The following CSMD1 variants were observed in gnomAD, a reference collection of about 807,000 sequenced individuals.
CSMD1 encodes the protein CUB and Sushi multiple domains 1, also known as CUB and sushi domain-containing protein 1.
CSMD1 carries 213 observed loss-of-function variants against 417.5 expected under a neutral mutation model. The observed-to-expected ratio is 0.51, with a 90% CI of 0.46 to 0.57. The LOEUF (loss-of-function observed/expected upper bound fraction) is 0.57. Ranked by LOEUF, CSMD1 falls within the 20% of genes least tolerant of loss-of-function variation. CSMD1 has a pLI of 0.00. For missense variants in CSMD1, 6,923 were observed against 4,529.7 expected (o/e 1.53, Z -15.17); for synonymous variants, 2,862 against 1,736.8 (o/e 1.65, Z -16.11).
At chr8:3,331,669 T>A (rs1314075543) in intron 23 of CSMD1, among the ~76,000 whole-genome samples, 1 of 152,242 alleles carries the variant, frequency 6.6e-6, no homozygotes, top group Non-Finnish European at 1.5e-5. Context: ...TTATCCAATA[T>A]TTCTCTTTTA....
intron 3 of CSMD1, among the ~76,000 whole-genome samples, chr8:4,377,678 T>A (rs978110449): frequency 6.6e-5 from 10 of 152,348 alleles, no homozygotes; most frequent in African/African-American, 2.2e-4. Context: ...ATATTTCTAT[T>A]AAGCTTTTAA....
At chr8:3,369,066 G>C (rs1156608448) in intron 19 of CSMD1, among the ~76,000 whole-genome samples, 188 bp downstream of exon 19, 2 of 152,184 alleles carry the variant, frequency 1.3e-5, no homozygotes, top group East Asian at 1.9e-4. Flanking sequence ...ACGGGGAATG[G>C]TTTTTATTGT....
At chr8:3,593,422 G>A (rs899660490) in intron 8 of CSMD1, among the ~76,000 whole-genome samples, 7 of 152,172 alleles carry the variant, frequency 4.6e-5, no homozygotes, top group African/African-American at 1.4e-4. Flanking sequence ...CTGCCTCCAG[G>A]GCAGAGGCCT....
intron 21 of CSMD1, among the ~76,000 whole-genome samples, chr8:3,354,196 A>G (rs1238331925): frequency 6.6e-6 from 1 of 152,184 alleles, no homozygotes; most frequent in Non-Finnish European, 1.5e-5. Flanking sequence ...AATACAGTTA[A>G]ATTGGATTCA....
At chr8:3,580,501 G>C (rs761174400) in intron 9 of CSMD1, among the ~76,000 whole-genome samples, 7 of 152,156 alleles carry the variant, frequency 4.6e-5, no homozygotes, top group South Asian at 2.1e-4. Context: ...CTTAAGGTTA[G>C]CTTTCAGGTT....
intron 11 of CSMD1, among the ~76,000 whole-genome samples, chr8:3,482,762 G>A (rs1008586068): frequency 6.6e-6 from 1 of 152,130 alleles, no homozygotes; most frequent in Admixed American, 6.5e-5. Context: ...CAAATGAACT[G>A]AAATCATAGA....
chr8:4,422,503 A>G (rs570456565), intron 2 of CSMD1, among the ~76,000 whole-genome samples: 106 of 152,248 alleles, frequency 7.0e-4, no homozygotes, highest in African/African-American at 2.4e-3. Context: ...CCCTGGACAC[A>G]TACTGAGAAA....
intron 25 of CSMD1, among the ~76,000 whole-genome samples, chr8:3,296,031 C>G (rs1429085020): frequency 6.6e-6 from 1 of 151,940 alleles, no homozygotes; most frequent in African/African-American, 2.4e-5. Context: ...AGGGAAGAGA[C>G]AGGCAGTCCA....
chr8:3,637,494 G>A (rs186371419), intron 7 of CSMD1, among the ~76,000 whole-genome samples: 34 of 152,154 alleles, frequency 2.2e-4, no homozygotes, highest in Admixed American at 7.2e-4. Context: ...GTTCTTCTTT[G>A]ACTATAATAA....
intron 1 of CSMD1, among the ~76,000 whole-genome samples, chr8:4,711,065 T>A (rs1040009434): frequency 6.6e-6 from 1 of 151,594 alleles, no homozygotes; most frequent in African/African-American, 2.4e-5. Flanking sequence ...GGCAAAATCA[T>A]GACATGATAT....
chr8:4,148,462 T>C (rs2131044127), intron 3 of CSMD1, among the ~76,000 whole-genome samples: 1 of 152,130 alleles, frequency 6.6e-6, no homozygotes, highest in African/African-American at 2.4e-5. Flanking sequence ...GGCACATGTA[T>C]ACATATGTAA....
chr8:3,478,576 C>T (rs141263225), intron 11 of CSMD1, among the ~76,000 whole-genome samples: 183 of 152,312 alleles, frequency 1.2e-3, no homozygotes, highest in South Asian at 2.7e-3. Context: ...CATGGGGTGA[C>T]TTGTGGCCGA....
At chr8:3,291,165 G>T (rs1311408890) in intron 25 of CSMD1, among the ~76,000 whole-genome samples, 1 of 152,134 alleles carries the variant, frequency 6.6e-6, no homozygotes, top group Non-Finnish European at 1.5e-5. Flanking sequence ...TTGCATCCCA[G>T]GGATGAAACC....
intron 5 of CSMD1, among the ~76,000 whole-genome samples, chr8:3,848,927 C>T (rs138942886): frequency 2.7e-5 from 4 of 149,918 alleles, no homozygotes; most frequent in African/African-American, 9.9e-5. Context: ...ATACATATAT[C>T]ATATATATAT....
intron 2 of CSMD1, among the ~76,000 whole-genome samples, chr8:4,554,900 A>G (rs1326605695): frequency 6.6e-6 from 1 of 152,102 alleles, no homozygotes; most frequent in Non-Finnish European, 1.5e-5. Flanking sequence ...GATGGTGTTC[A>G]TGGATGTGGG....
chr8:4,899,011 T>G (rs1252670276), intron 1 of CSMD1, among the ~76,000 whole-genome samples: 2 of 152,094 alleles, frequency 1.3e-5, no homozygotes, highest in East Asian at 3.8e-4. Flanking sequence ...AAAGTGAGAG[T>G]TTTATGCTAA....
intron 10 of CSMD1, among the ~76,000 whole-genome samples, chr8:3,499,182 AG>A (rs1796490230): frequency 1.3e-5 from 2 of 152,184 alleles, no homozygotes; most frequent in African/African-American, 4.8e-5. Context: ...TCATAGTGTC[AG>A]TTGGGTAGGG....
Position 3,018,652 on chromosome 8 carries a change from T to A in CSMD1, c.7856-2A>T, listed in dbSNP as rs1301774460. On this transcript the variant is annotated splice_acceptor_variant, in intron 51 of 69. Coordinates refer to ENST00000635120, the MANE Select transcript of CSMD1 (RefSeq NM_033225.6). LOFTEE classifies it high-confidence loss of function. ...AGGAAAGGCTTCCACACGAGATAAC[T>A]AGAAGGAAAAACAATAAAATGAACA... The A allele has an allele frequency of 6.2e-7, 1 of 1,608,564 alleles. No individual in the cohort carries two copies. Among genetic ancestry groups the A allele is most frequent in the East Asian group, 2.2e-5 (1 of 44,744 alleles).
intron 1 of CSMD1, among the ~76,000 whole-genome samples, chr8:4,719,203 G>A (rs1477106260): frequency 6.6e-6 from 1 of 152,138 alleles, no homozygotes. Flanking sequence ...TGCAGGGGTG[G>A]GGGAGACTAG....
Sources: gnomAD v4.1 joint callset for allele counts (sites outside exome capture counted in the v4.1 genomes callset) on GRCh38, gnomAD v4.1.1 for gene constraint, MANE v1.5 for transcripts, NCBI Gene and HGNC (gene_info 2026-07-23, HGNC 2026-07-21) for gene names.